CLASP2: variants seen among roughly 807,000 people sequenced by gnomAD.
The protein encoded by CLASP2 is CLIP-associating protein 2.
Under a neutral mutation model 194.4 loss-of-function variants are expected in CLASP2, and 47 were observed. The observed-to-expected ratio is 0.24, with a 90% CI of 0.19 to 0.31. CLASP2 has a LOEUF of 0.31. Among genes scored for constraint, CLASP2 ranks in the 10% least tolerant of loss-of-function variants. The pLI, the probability that CLASP2 is intolerant of heterozygous loss-of-function variation, is 1.00. For synonymous variants in CLASP2, 619 were observed against 633.5 expected (o/e 0.98, Z 0.34); for missense variants, 1,445 against 1,823.6 (o/e 0.79, Z 3.78).
intron 26 of CLASP2, among the ~76,000 whole-genome samples, chr3:33,569,836 T>A (rs2063416172): frequency 6.6e-6 from 1 of 152,134 alleles, no homozygotes; most frequent in South Asian, 2.1e-4. Context: ...TTATGTACAA[T>A]GTGGGATTTC....
chr3:33,651,404 A>C (rs1296223065), intron 7 of CLASP2, among the ~76,000 whole-genome samples: 8 of 140,830 alleles, frequency 5.7e-5, no homozygotes, highest in East Asian at 2.0e-4. Flanking sequence ...AAAAAAAAAA[A>C]CCCAGAAAAC....
In CLASP2 at chr3:33,604,116, TAAAATAGGTTATAACTCTTATTTAAAGAG is replaced by T. The variant is rs2073085081; in HGVS notation, c.1750+9_1750+37del. On this transcript the variant is annotated intron_variant, in intron 17 of 38. Coordinates refer to ENST00000682230, the MANE Select transcript of CLASP2 (RefSeq NM_001365631.1). ...AGTTTGAAGGCTACTGTTTCAAAGATAAAATAGGTTATAACTCTTATTTAAAGAGAAAATTACCTCTTCCAGCCACAGTT... is the reference window on the plus strand; with the variant it reads ...AGTTTGAAGGCTACTGTTTCAAAGATAAAATTACCTCTTCCAGCCACAGTT... 1.4e-6 allele frequency: 2 copies of T among 1,454,142 alleles called. No homozygotes were observed. Among genetic ancestry groups the T allele is most frequent in the Non-Finnish European group, 1.9e-6 (2 of 1,063,294 alleles). The allele number at this position is 1,454,142 out of a possible 1,614,324, so 90.1% of individuals were successfully genotyped here.
At chr3:33,675,258 C>T (rs1424409957) in intron 6 of CLASP2, among the ~76,000 whole-genome samples, 3 of 152,078 alleles carry the variant, frequency 2.0e-5, no homozygotes, top group Non-Finnish European at 4.4e-5. Context: ...TGGGCTTCAT[C>T]CCTGGGATGC....
chr3:33,607,927 T>C (rs1034941069), intron 14 of CLASP2, among the ~76,000 whole-genome samples: 1 of 152,128 alleles, frequency 6.6e-6, no homozygotes, highest in African/African-American at 2.4e-5. Flanking sequence ...AAAAACAAAT[T>C]CTATTTTTTA....
intron 6 of CLASP2, 93 bp from the exon 7 acceptor site, chr3:33,663,608 A>C: frequency 1.2e-6 from 1 of 827,874 alleles, no homozygotes; most frequent in Non-Finnish European, 2.0e-6. Context: ...TAGAAAAAAC[A>C]ATTGTAGGGA....
intron 10 of CLASP2, among the ~76,000 whole-genome samples, chr3:33,624,178 T>G (rs1190453647): frequency 1.3e-5 from 2 of 152,178 alleles, no homozygotes; most frequent in Non-Finnish European, 2.9e-5. Context: ...AAAAGTCTAC[T>G]TATCACACCA....
At chr3:33,618,056 C>T (rs1283768149) in intron 12 of CLASP2, among the ~76,000 whole-genome samples, 2 of 150,698 alleles carry the variant, frequency 1.3e-5, no homozygotes, top group Non-Finnish European at 2.9e-5. Flanking sequence ...TCAAGTGATT[C>T]TCCTGCCTCA....
At chr3:33,507,526 G>A (rs186357842) in intron 37 of CLASP2, among the ~76,000 whole-genome samples, 1 of 152,132 alleles carries the variant, frequency 6.6e-6, no homozygotes, top group Non-Finnish European at 1.5e-5. Context: ...CTGTCACTTA[G>A]GCTGAAGTGC....
intron 1 of CLASP2, among the ~76,000 whole-genome samples, chr3:33,708,144 T>C (rs2092782585): frequency 6.6e-6 from 1 of 152,176 alleles, no homozygotes; most frequent in Non-Finnish European, 1.5e-5. Context: ...GTCACCATAC[T>C]GTGCATTAGG....
Position 33,689,946 on chromosome 3 carries a change from G to C in CLASP2, c.275-14C>G. The C allele has an allele frequency of 1.3e-6, 2 of 1,511,568 alleles. No homozygotes were observed. Among genetic ancestry groups the C allele is most frequent in the Non-Finnish European group, 1.8e-6 (2 of 1,120,704 alleles). The allele number at this position is 1,511,568 out of a possible 1,614,324, so 93.6% of individuals were successfully genotyped here. On this transcript the variant is annotated splice_polypyrimidine_tract_variant and intron_variant, in intron 2 of 38. Coordinates refer to ENST00000682230, the MANE Select transcript of CLASP2 (RefSeq NM_001365631.1). ...AAGCTACAATAACTAAAGAAGGGGA[G>C]GGAGTAAAAGAGTAATTACTTATAA...
chr3:33,631,447 G>A (rs1441462486), intron 9 of CLASP2, among the ~76,000 whole-genome samples: 1 of 152,148 alleles, frequency 6.6e-6, no homozygotes, highest in African/African-American at 2.4e-5. Context: ...TGTAACCCCA[G>A]CACTTTGGGA....
Position 33,663,412 on chromosome 3 carries a change from C to T in CLASP2, c.715+33G>A, listed in dbSNP as rs749025645. Reference sequence around the variant, plus strand: ...AGTGCCTAAAACTTTGCTAAATAGTCTTAGAAATGTTTGAGAGCTTAATTA... The same window carrying T: ...AGTGCCTAAAACTTTGCTAAATAGTTTTAGAAATGTTTGAGAGCTTAATTA... On this transcript the variant is annotated intron_variant, in intron 7 of 38. Transcript: ENST00000682230. 8 of 1,568,792 alleles carry T rather than the reference C, an allele frequency of 5.1e-6. No individual in the cohort carries two copies. The South Asian group carries it at 9.2e-5, about 18-fold the overall frequency.
At chr3:33,561,725 T>C (rs1311510416) in intron 27 of CLASP2, among the ~76,000 whole-genome samples, 1 of 152,172 alleles carries the variant, frequency 6.6e-6, no homozygotes, top group African/African-American at 2.4e-5. Context: ...CTAATGTTTA[T>C]AAGTGATGTA....
intron 27 of CLASP2, among the ~76,000 whole-genome samples, chr3:33,562,043 T>C (rs2061872933): frequency 6.6e-6 from 1 of 152,070 alleles, no homozygotes; most frequent in Non-Finnish European, 1.5e-5. Flanking sequence ...GATGAACTCT[T>C]TTTTTTCTTT....
At chr3:33,586,362 T>C (rs949376044) in intron 21 of CLASP2, among the ~76,000 whole-genome samples, 3 of 152,116 alleles carry the variant, frequency 2.0e-5, no homozygotes, top group Non-Finnish European at 4.4e-5. Context: ...CTCGAACTCC[T>C]GACCTTGTGA....
intron 18 of CLASP2, chr3:33,602,523 T>A: frequency 1.3e-6 from 1 of 761,038 alleles, no homozygotes; most frequent in African/African-American, 1.7e-5. Context: ...TTGGAATATA[T>A]GTTTAGGGTT....
intron 21 of CLASP2, 26 bp downstream of exon 21, chr3:33,592,369 T>C (rs974135470): frequency 4.1e-6 from 6 of 1,473,098 alleles, no homozygotes; most frequent in South Asian, 1.2e-5. Context: ...GTGACAAATA[T>C]AGGAGGGCTG....
intron 32 of CLASP2, among the ~76,000 whole-genome samples, chr3:33,542,386 A>G (rs2058503641): frequency 6.7e-6 from 1 of 148,570 alleles, no homozygotes; most frequent in Non-Finnish European, 1.5e-5. Context: ...TATAATAACT[A>G]TGATTCATTA....
At chr3:33,659,366 AATC>A in intron 7 of CLASP2, 1 of 1,066,582 alleles carries the variant, frequency 9.4e-7, no homozygotes, top group Non-Finnish European at 1.1e-6. Context: ...CTTTTAATGC[AATC>A]ATCAAAACAC....
Sources: allele counts gnomAD v4.1 joint callset (sites outside exome capture counted in the v4.1 genomes callset), GRCh38; gene constraint gnomAD v4.1.1; transcripts MANE v1.5; gene names NCBI Gene and HGNC (gene_info 2026-07-23, HGNC 2026-07-21).